PSD3: variants seen among roughly 807,000 people sequenced by gnomAD.
The protein encoded by PSD3 is PH and SEC7 domain-containing protein 3.
In PSD3, 49 loss-of-function variants were observed where a neutral mutation model predicts 105.5. That is an observed-to-expected ratio of 0.46 (90% CI 0.37 to 0.59). The LOEUF (loss-of-function observed/expected upper bound fraction) is 0.59. PSD3 is among the 20% of genes least tolerant of loss of function. PSD3 has a pLI of 0.00. For missense variants in PSD3, 1,561 were observed against 1,263.8 expected (o/e 1.24, Z -3.57); for synonymous variants, 557 against 457.8 (o/e 1.22, Z -2.77).
At chr8:18,838,126 T>C (rs1465036859) in intron 4 of PSD3, among the ~76,000 whole-genome samples, 1 of 152,252 alleles carries the variant, frequency 6.6e-6, no homozygotes, top group South Asian at 2.1e-4. Context: ...TGTGAAATCA[T>C]ATAATGCCAT....
chr8:18,935,446 C>A (rs1822046603), intron 2 of PSD3, among the ~76,000 whole-genome samples: 2 of 148,908 alleles, frequency 1.3e-5, no homozygotes, highest in Admixed American at 1.4e-4. Flanking sequence ...GGGGCCGAGG[C>A]AGGAGGATGG....
chr8:18,642,764 T>C (rs1367179500), intron 10 of PSD3, among the ~76,000 whole-genome samples: 1 of 152,216 alleles, frequency 6.6e-6, no homozygotes, highest in African/African-American at 2.4e-5. Context: ...ATAAAACCCT[T>C]AAAATTTCTA....
Position 19,069,515 on chromosome 8 carries a change from C to T in PSD3, c.324+14691G>A, listed in dbSNP as rs539645456. Among the ~76,000 whole-genome samples, 27 of 152,290 alleles carry T rather than the reference C, an allele frequency of 1.8e-4. No homozygotes were observed. The East Asian group carries it at 3.9e-3, about 22-fold the overall frequency. ...CCCATTACATGTACATCTGTGCAAA[C>T]GTGGATCTTCCTTTCTAGTAAGGGA... On this transcript the variant is annotated intron_variant, in intron 1 of 1. Transcript: ENST00000521475.
intron 1 of PSD3, among the ~76,000 whole-genome samples, chr8:19,064,480 G>C (rs1468685690): frequency 6.6e-6 from 1 of 152,006 alleles, no homozygotes; most frequent in Non-Finnish European, 1.5e-5. Flanking sequence ...AGGGTCACTG[G>C]GGTAGTCGTT....
intron 4 of PSD3, among the ~76,000 whole-genome samples, chr8:18,817,394 G>A (rs1041890984): frequency 6.6e-6 from 1 of 152,092 alleles, no homozygotes; most frequent in Non-Finnish European, 1.5e-5. Flanking sequence ...CACCCTGTAG[G>A]TCATGGATTC....
intron 1 of PSD3, among the ~76,000 whole-genome samples, chr8:18,952,260 C>T (rs1312463316): frequency 1.3e-5 from 2 of 152,142 alleles, no homozygotes; most frequent in Admixed American, 1.3e-4. Flanking sequence ...AGATTATAGG[C>T]TTATTCTTTC....
chr8:18,988,683 T>TATCACATGTTTAAAAATCAC (rs1825635340), intron 1 of PSD3, among the ~76,000 whole-genome samples: 1 of 152,192 alleles, frequency 6.6e-6, no homozygotes, highest in Non-Finnish European at 1.5e-5. Flanking sequence ...TTAATGACAC[T>TATCACATGTTTAAAAATCAC]ATCACATGTT....
At chr8:18,885,997 C>A (rs756865067) in intron 2 of PSD3, among the ~76,000 whole-genome samples, 2 of 152,106 alleles carry the variant, frequency 1.3e-5, no homozygotes, top group African/African-American at 4.8e-5. Context: ...CTAAGCTGTA[C>A]TTCAGGCACA....
chr8:18,795,333 A>C (rs1810078909), intron 8 of PSD3, among the ~76,000 whole-genome samples: 2 of 152,162 alleles, frequency 1.3e-5, no homozygotes, highest in African/African-American at 4.8e-5. Flanking sequence ...CGAGAAAGAG[A>C]GCTACCTCTA....
In PSD3 at chr8:19,030,113, C is replaced by G. The variant is rs188104367; in HGVS notation, c.324+54093G>C. ...TTAAGGAGAATGTTAGCTTTTGGTA[C>G]ATGCCTTTTGTCGAGTTGAAGAAGT... On this transcript the variant is annotated intron_variant, in intron 1 of 1. Coordinates refer to the PSD3 transcript ENST00000521475. Among the ~76,000 whole-genome samples, 8 of 152,252 alleles carry G rather than the reference C, an allele frequency of 5.3e-5. No homozygotes were observed. In the East Asian group the frequency reaches 1.5e-3, roughly 29 times the overall value.
chr8:18,977,259 CAAAAAAAAAAA>C (rs36071554), intron 1 of PSD3, among the ~76,000 whole-genome samples: 3 of 113,180 alleles, frequency 2.7e-5, no homozygotes, highest in African/African-American at 3.5e-5. Context: ...CACCCTATCT[CAAAAAAAAAAA>C]AAAAAAAAAA....
At chr8:18,674,219 T>C (rs1193865423) in intron 9 of PSD3, among the ~76,000 whole-genome samples, 1 of 152,040 alleles carries the variant, frequency 6.6e-6, no homozygotes, top group Non-Finnish European at 1.5e-5. Context: ...AAGGTCGACT[T>C]ACTAATTTTA....
chr8:18,593,313 G>A (rs77940884), intron 12 of PSD3, among the ~76,000 whole-genome samples: 5 of 151,930 alleles, frequency 3.3e-5, no homozygotes, highest in Non-Finnish European at 7.4e-5. Context: ...AGTGGGTGAA[G>A]GATATGAACA....
intron 9 of PSD3, among the ~76,000 whole-genome samples, chr8:18,659,880 G>T (rs1265332238): frequency 1.3e-5 from 2 of 152,164 alleles, no homozygotes; most frequent in Admixed American, 1.3e-4. Context: ...GGGGTTATCT[G>T]GCCTAGCTGC....
intron 4 of PSD3, among the ~76,000 whole-genome samples, chr8:18,838,758 C>T (rs867835525): frequency 1.3e-5 from 2 of 150,510 alleles, no homozygotes; most frequent in Admixed American, 6.6e-5. Flanking sequence ...GCCGCGACAG[C>T]GCCACTGCAC....
In PSD3 at chr8:18,533,362, T is replaced by G. The variant is rs1234822893; in HGVS notation, c.*2381A>C. 6.6e-6 allele frequency: 1 copy of G among 152,210 alleles called. No homozygotes were observed. Among genetic ancestry groups the G allele is most frequent in the Non-Finnish European group, 1.5e-5 (1 of 68,044 alleles). 9.4% of individuals were successfully genotyped at this position (152,210 alleles called of 1,614,324 possible). On this transcript the variant is annotated 3_prime_UTR_variant, in exon 16 of 16. Coordinates refer to ENST00000327040, the MANE Select transcript of PSD3 (RefSeq NM_015310.4). ...TAAAGTTGTTTTTAAAGATAAACTA[T>G]GCAAACATGGTATACTGAAGCTTCA...
intron 9 of PSD3, among the ~76,000 whole-genome samples, chr8:18,754,766 A>T (rs1450985026): frequency 2.0e-5 from 3 of 152,126 alleles, no homozygotes; most frequent in South Asian, 2.1e-4. Flanking sequence ...AGTCATTTTA[A>T]AAAAAGATTG....
exon 1 of PSD3, chr8:19,084,352 C>T (rs112591307): frequency 3.9e-5 from 18 of 456,260 alleles, no homozygotes; most frequent in African/African-American, 1.4e-4. Flanking sequence ...CAGGTCTCGG[C>T]GCCTCTCCTC....
intron 8 of PSD3, among the ~76,000 whole-genome samples, chr8:18,793,076 C>T (rs1809873968): frequency 6.6e-6 from 1 of 152,110 alleles, no homozygotes; most frequent in African/African-American, 2.4e-5. Context: ...ACCGCAAGGA[C>T]AGAAAACCAA....
Sources: allele counts gnomAD v4.1 joint callset (sites outside exome capture counted in the v4.1 genomes callset), GRCh38; gene constraint gnomAD v4.1.1; transcripts MANE v1.5; gene names NCBI Gene and HGNC (gene_info 2026-07-23, HGNC 2026-07-21).